The following TMC1 variants were observed in gnomAD, a reference collection of about 807,000 sequenced individuals.
TMC1 encodes transmembrane channel-like protein 1.
Under a neutral mutation model 105.8 loss-of-function variants are expected in TMC1, and 84 were observed. That is an observed-to-expected ratio of 0.79 (90% confidence interval 0.67 to 0.95). TMC1 has a LOEUF of 0.95. TMC1 is among the 40% of genes least tolerant of loss of function. The probability of loss-of-function intolerance (pLI) is 0.00; values close to 1 mark genes in which losing one functional copy is unlikely to be tolerated. For missense variants in TMC1, 817 were observed against 914.1 expected (o/e 0.89, Z 1.37); for synonymous variants, 315 against 311.5 (o/e 1.01, Z -0.12).
At chr9:72,688,398 T>C (rs1300769393) in intron 5 of TMC1, among the ~76,000 whole-genome samples, 1 of 152,152 alleles carries the variant, frequency 6.6e-6, no homozygotes, top group African/African-American at 2.4e-5. Flanking sequence ...AGTCTACTTA[T>C]TGCAATACAG....
intron 5 of TMC1, among the ~76,000 whole-genome samples, chr9:72,659,814 A>C (rs961061359): frequency 1.3e-5 from 2 of 152,202 alleles, no homozygotes; most frequent in African/African-American, 4.8e-5. Context: ...TATGAGAAAG[A>C]ACTAAAGAAT....
intron 1 of TMC1, among the ~76,000 whole-genome samples, chr9:72,570,265 G>GTGTGTGTGT (rs397946870): frequency 6.1e-5 from 9 of 146,530 alleles, no homozygotes; most frequent in Admixed American, 1.4e-4. Flanking sequence ...GTGTGTGTGT[G>GTGTGTGTGT]GTAAATACTT....
chr9:72,541,193 C>T (rs1201873397), intron 1 of TMC1, among the ~76,000 whole-genome samples: 1 of 152,148 alleles, frequency 6.6e-6, no homozygotes, highest in East Asian at 1.9e-4. Context: ...CAGTGCTAGC[C>T]ACCTATTTTG....
chr9:72,792,121 T>C (rs1828281782), intron 16 of TMC1, 56 bp downstream of exon 16: 2 of 1,613,626 alleles, frequency 1.2e-6, no homozygotes, highest in Non-Finnish European at 8.5e-7. Flanking sequence ...ATTCCCAGTC[T>C]CAAGTTTGCC....
intron 1 of TMC1, among the ~76,000 whole-genome samples, chr9:72,532,649 G>A (rs1418759772): frequency 6.6e-6 from 1 of 151,696 alleles, no homozygotes. Context: ...GGAAGAACCG[G>A]TGAGGTAGGA....
chr9:72,529,155 G>A (rs1165836533), intron 1 of TMC1, among the ~76,000 whole-genome samples: 1 of 150,964 alleles, frequency 6.6e-6, no homozygotes, highest in East Asian at 1.9e-4. Flanking sequence ...TTTGGTATCC[G>A]GTGGCGGGTG....
Position 72,694,687 on chromosome 9 carries a change from AGAG to A in TMC1, c.220_222del (p.Arg74del). 2 of 1,611,420 alleles carry A rather than the reference AGAG, an allele frequency of 1.2e-6. No homozygotes were observed. The highest frequency in any genetic ancestry group is 1.7e-6 in the Non-Finnish European group (2 of 1,178,606). On this transcript the variant is annotated inframe_deletion, in exon 7 of 24. Transcript: ENST00000297784. The stretch of plus-strand genomic sequence containing the variant: ...GAAACAAGGAAGGCAAGAGAAAAAG[AGAG>A]GAGGAGGAGGCTAAAGAGAGGAGCG...
intron 23 of TMC1, among the ~76,000 whole-genome samples, chr9:72,832,028 T>A: frequency 6.6e-6 from 1 of 151,786 alleles, no homozygotes; most frequent in East Asian, 1.9e-4. Context: ...TGATCTCGGC[T>A]CACTGCAGCT....
At chr9:72,729,776 T>A (rs1361099845) in intron 8 of TMC1, among the ~76,000 whole-genome samples, 1 of 152,166 alleles carries the variant, frequency 6.6e-6, no homozygotes, top group Non-Finnish European at 1.5e-5. Flanking sequence ...GAGAAAAACA[T>A]AACACATTTC....
At chr9:72,597,615 G>C (rs1450688223) in intron 2 of TMC1, among the ~76,000 whole-genome samples, 1 of 152,204 alleles carries the variant, frequency 6.6e-6, no homozygotes, top group Non-Finnish European at 1.5e-5. Flanking sequence ...ATTGAGAGCT[G>C]GCAATGATAC....
intron 2 of TMC1, among the ~76,000 whole-genome samples, chr9:72,584,022 G>A (rs963401705): frequency 6.6e-6 from 1 of 152,124 alleles, no homozygotes; most frequent in African/African-American, 2.4e-5. Flanking sequence ...CCTGGCAGGG[G>A]GGTTAATAAT....
intron 1 of TMC1, among the ~76,000 whole-genome samples, chr9:72,534,162 C>T (rs1823541513): frequency 6.6e-6 from 1 of 152,012 alleles, no homozygotes; most frequent in South Asian, 2.1e-4. Flanking sequence ...GTAAAATAAA[C>T]AATAAAAATA....
intron 4 of TMC1, among the ~76,000 whole-genome samples, chr9:72,645,118 T>C (rs1451424183): frequency 6.6e-6 from 1 of 152,178 alleles, no homozygotes; most frequent in African/African-American, 2.4e-5. Flanking sequence ...TCCACATTAA[T>C]TGATAGGAAA....
At position 72,838,163 on chromosome 9, in the gene TMC1, A is replaced by G. The variant is rs1829154208; in HGVS notation, c.*2190A>G. 2 of 152,258 alleles carry G rather than the reference A, an allele frequency of 1.3e-5. No individual in the cohort carries two copies. The highest frequency in any genetic ancestry group is 6.5e-5 in the Admixed American group (1 of 15,286). The allele number at this position is 152,258 out of a possible 1,614,324, so 9.4% of individuals were successfully genotyped here. On this transcript the variant is annotated 3_prime_UTR_variant, in exon 24 of 24. Transcript: ENST00000297784. The stretch of plus-strand genomic sequence containing the variant: ...CTTACAGCAATTGTGTTATGAGACA[A>G]AAACTTCTGTTACCTGCATGAAAAC...
intron 4 of TMC1, among the ~76,000 whole-genome samples, chr9:72,647,897 T>C (rs1825740896): frequency 6.6e-6 from 1 of 151,864 alleles, no homozygotes. Flanking sequence ...CCATTACAAT[T>C]GGTGTCTTTT....
At chr9:72,705,009 A>G (rs529369409) in intron 8 of TMC1, among the ~76,000 whole-genome samples, 9 of 152,320 alleles carry the variant, frequency 5.9e-5, no homozygotes, top group African/African-American at 1.9e-4. Flanking sequence ...GTCAATTTCT[A>G]TATTTTATTA....
chr9:72,606,070 A>AG (rs1052778389), intron 2 of TMC1, among the ~76,000 whole-genome samples: 3 of 152,004 alleles, frequency 2.0e-5, no homozygotes, highest in African/African-American at 7.3e-5. Flanking sequence ...TATGAATTTG[A>AG]GGGGGCACAA....
chr9:72,716,602 C>T (rs777314467), intron 8 of TMC1, among the ~76,000 whole-genome samples: 20 of 152,252 alleles, frequency 1.3e-4, no homozygotes, highest in East Asian at 9.7e-4. Flanking sequence ...CAATGGCAGA[C>T]GTCCCTCCCC....
Position 72,753,319 on chromosome 9 carries a change from C to A in TMC1, c.642+1363C>A, listed in dbSNP as rs1329370583. 4.2e-4 allele frequency among the ~76,000 whole-genome samples: 22 copies of A among 52,148 alleles called. No homozygotes were observed. In the Admixed American group the frequency reaches 5.7e-3, roughly 13 times the overall value. The allele number at this position is 52,148 out of a possible 152,430, so 34.2% of individuals were successfully genotyped here. A position where few individuals can be genotyped will look rare whatever the true frequency, so the allele number is the denominator to read the frequency against. ...TTTTTTTTTTTTTTTGCTTACCTTTCTAAGGAAATCTGAAACTCCTCCATT... is the reference window on the plus strand; with the variant it reads ...TTTTTTTTTTTTTTTGCTTACCTTTATAAGGAAATCTGAAACTCCTCCATT... On this transcript the variant is annotated intron_variant, in intron 11 of 23. Transcript: ENST00000297784.
Sources: gnomAD v4.1 joint callset for allele counts (sites outside exome capture counted in the v4.1 genomes callset) on GRCh38, gnomAD v4.1.1 for gene constraint, MANE v1.5 for transcripts, NCBI Gene and HGNC (gene_info 2026-07-23, HGNC 2026-07-21) for gene names.